DTWD2: variants seen among roughly 807,000 people sequenced by gnomAD.
DTWD2 encodes DTW motif tRNA-uridine aminocarboxypropyltransferase 2, also known as tRNA-uridine aminocarboxypropyltransferase 2.
In DTWD2, 39 loss-of-function variants were observed where a neutral mutation model predicts 31.8. The observed-to-expected ratio is 1.22, with a 90% CI of 0.95 to 1.60. DTWD2 has a LOEUF of 1.60. Among genes scored for constraint, DTWD2 ranks in the 40% most tolerant of loss-of-function variants. DTWD2 has a pLI of 0.00. For missense variants in DTWD2, 515 were observed against 381.5 expected (o/e 1.35, Z -2.92); for synonymous variants, 180 against 142.8 (o/e 1.26, Z -1.86).
At chr5:118,883,375 C>T (rs1179273944) in intron 4 of DTWD2, among the ~76,000 whole-genome samples, 1 of 152,208 alleles carries the variant, frequency 6.6e-6, no homozygotes, top group Non-Finnish European at 1.5e-5. Context: ...TCTGAGCCCT[C>T]CAAACTGTTC....
At chr5:118,952,381 G>C (rs549912694) in intron 1 of DTWD2, among the ~76,000 whole-genome samples, 11 of 152,304 alleles carry the variant, frequency 7.2e-5, no homozygotes, top group East Asian at 5.8e-4. Context: ...TCCAAAAAGA[G>C]TCAGCAAAGG....
chr5:118,931,398 T>C (rs1453921395), intron 3 of DTWD2, among the ~76,000 whole-genome samples: 2 of 109,782 alleles, frequency 1.8e-5, no homozygotes, highest in Non-Finnish European at 1.9e-5. Context: ...GACCTTGTCT[T>C]AAAAAAAAAA....
intron 1 of DTWD2, among the ~76,000 whole-genome samples, chr5:118,947,764 A>G (rs1022534330): frequency 6.6e-6 from 1 of 152,112 alleles, no homozygotes; most frequent in Non-Finnish European, 1.5e-5. Flanking sequence ...TCCTGTTCCT[A>G]TCACTGGGAT....
At position 118,837,399 on chromosome 5, in the gene DTWD2, A is replaced by G. The variant is rs1459392078; in HGVS notation, c.*3518T>C. 1 of 152,218 alleles carries G rather than the reference A, an allele frequency of 6.6e-6. No individual in the cohort carries two copies. The highest frequency in any genetic ancestry group is 1.9e-4 in the East Asian group (1 of 5,202). The allele number at this position is 152,218 out of a possible 1,614,324, so 9.4% of individuals were successfully genotyped here. ...GAAATACATCTACATAGTAAAATAC[A>G]GTTTTGTAAAACTTTTGAGTTTACT... is the stretch of plus-strand genomic sequence containing the variant. On this transcript the variant is annotated 3_prime_UTR_variant, in exon 6 of 6. Coordinates refer to ENST00000510708, the MANE Select transcript of DTWD2 (RefSeq NM_173666.4).
At chr5:118,947,438 C>T (rs1008470691) in intron 1 of DTWD2, among the ~76,000 whole-genome samples, 4 of 152,180 alleles carry the variant, frequency 2.6e-5, no homozygotes, top group Non-Finnish European at 4.4e-5. Flanking sequence ...TGGATTCCGA[C>T]TGTCCCGAGC....
intron 1 of DTWD2, among the ~76,000 whole-genome samples, chr5:118,987,065 G>C (rs1755444070): frequency 6.6e-6 from 1 of 152,058 alleles, no homozygotes; most frequent in Non-Finnish European, 1.5e-5. Flanking sequence ...ATTCTGAACA[G>C]ACTAAAAACT....
chr5:118,893,216 A>G (rs1040813152), intron 4 of DTWD2, among the ~76,000 whole-genome samples: 3 of 151,972 alleles, frequency 2.0e-5, no homozygotes, highest in Admixed American at 1.3e-4. Flanking sequence ...CTCTACTAAA[A>G]ATACAAAAAT....
chr5:118,841,105 A>G lies in DTWD2; in HGVS notation c.727-18T>C, dbSNP rs1400994461. The G allele has an allele frequency of 6.3e-7, 1 of 1,591,882 alleles. No homozygotes were observed. Among genetic ancestry groups the G allele is most frequent in the South Asian group, 1.1e-5 (1 of 88,142 alleles). ...AGCAAAGTCTGTCAAGAGAAAAAAG[A>G]CACTAAAAAAGTATCTGTGACAAAT... On this transcript the variant is annotated intron_variant, in intron 5 of 5. Transcript: ENST00000510708.
intron 4 of DTWD2, among the ~76,000 whole-genome samples, chr5:118,880,010 A>G (rs868209905): frequency 5.9e-5 from 9 of 152,354 alleles, no homozygotes; most frequent in Middle Eastern, 6.8e-3. Context: ...TAGAGTGAAT[A>G]CAATACAAAA....
At chr5:118,901,478 T>C (rs1390512636) in intron 4 of DTWD2, among the ~76,000 whole-genome samples, 1 of 152,356 alleles carries the variant, frequency 6.6e-6, no homozygotes, top group East Asian at 1.9e-4. Context: ...CCAGAATGCC[T>C]CTCTGATGAT....
At chr5:118,927,904 C>G (rs1034768793) in intron 4 of DTWD2, among the ~76,000 whole-genome samples, 14 of 152,082 alleles carry the variant, frequency 9.2e-5, no homozygotes, top group African/African-American at 3.1e-4. Flanking sequence ...ATTTTAATAA[C>G]CAAACATGAC....
At chr5:118,948,508 G>A (rs761476410) in intron 1 of DTWD2, among the ~76,000 whole-genome samples, 2 of 152,004 alleles carry the variant, frequency 1.3e-5, no homozygotes, top group African/African-American at 4.8e-5. Flanking sequence ...AACAAACTGT[G>A]ATCAGGGTGG....
intron 1 of DTWD2, among the ~76,000 whole-genome samples, chr5:118,958,705 A>T (rs1310967367): frequency 2.0e-5 from 3 of 152,132 alleles, no homozygotes; most frequent in Non-Finnish European, 4.4e-5. Flanking sequence ...CCTCAAAAAA[A>T]ATTAGCAAAC....
rs1226348772 is a variant in DTWD2 at position 118,855,238 on chromosome 5, G to A, written c.598-7020C>T. Among the ~76,000 whole-genome samples the A allele has an allele frequency of 6.4e-5, 9 of 140,390 alleles. No homozygotes were observed. In the South Asian group the frequency reaches 7.0e-4, roughly 11 times the overall value. 92.1% of individuals were successfully genotyped at this position (140,390 alleles called of 152,430 possible). A position where few individuals can be genotyped will look rare whatever the true frequency, so the allele number is the denominator to read the frequency against. On this transcript the variant is annotated intron_variant, in intron 4 of 5. Coordinates refer to ENST00000510708, the MANE Select transcript of DTWD2 (RefSeq NM_173666.4). ...TAAATATGTAATTACAAGAAGTTGCGGTAAAACTTTTTACCGCAACTTCTT... is the reference window on the plus strand; with the variant it reads ...TAAATATGTAATTACAAGAAGTTGCAGTAAAACTTTTTACCGCAACTTCTT...
At chr5:118,856,043 G>C (rs1246815020) in intron 4 of DTWD2, among the ~76,000 whole-genome samples, 1 of 152,110 alleles carries the variant, frequency 6.6e-6, no homozygotes, top group Non-Finnish European at 1.5e-5. Context: ...GACACCGTCA[G>C]TATGCTCCTC....
At chr5:118,965,214 A>G (rs1331894150) in intron 1 of DTWD2, among the ~76,000 whole-genome samples, 2 of 145,022 alleles carry the variant, frequency 1.4e-5, no homozygotes, top group East Asian at 2.2e-4. Context: ...CAGCCGCCCC[A>G]TCTGGGAAGT....
chr5:118,934,272 T>TAAAAA (rs397999089), intron 3 of DTWD2, among the ~76,000 whole-genome samples: 3 of 23,556 alleles, frequency 1.3e-4, no homozygotes, highest in African/African-American at 1.7e-4. Flanking sequence ...TTGTCTCCAT[T>TAAAAA]AAAAAAAAAA....
rs537622993 is a variant in DTWD2, at chr5:118,930,204, C to A, written c.405-1475G>T. Among the ~76,000 whole-genome samples, 3 of 152,208 alleles carry A rather than the reference C, an allele frequency of 2.0e-5. No homozygotes were observed. In the East Asian group the frequency reaches 5.8e-4, roughly 29 times the overall value. ...GGTGAAGAGGAACGTTCCCCTTGGC[C>A]CCTACACCATCATCCAGTTCCGTTA... On this transcript the variant is annotated intron_variant, in intron 3 of 5. Coordinates refer to ENST00000510708, the MANE Select transcript of DTWD2 (RefSeq NM_173666.4).
chr5:118,907,800 G>T (rs1210012825), intron 4 of DTWD2, among the ~76,000 whole-genome samples: 1 of 151,948 alleles, frequency 6.6e-6, no homozygotes, highest in Non-Finnish European at 1.5e-5. Flanking sequence ...CAGTCTGCTG[G>T]AGAATTCTTC....
Sources: gnomAD v4.1 joint callset for allele counts (sites outside exome capture counted in the v4.1 genomes callset) on GRCh38, gnomAD v4.1.1 for gene constraint, MANE v1.5 for transcripts, NCBI Gene and HGNC (gene_info 2026-07-23, HGNC 2026-07-21) for gene names.